CAMTA1: variants seen among roughly 807,000 people sequenced by gnomAD.
The protein encoded by CAMTA1 is calmodulin binding transcription activator 1, also known as calmodulin-binding transcription activator 1.
In CAMTA1, 27 loss-of-function variants were observed where a neutral mutation model predicts 170.9. That is an observed-to-expected ratio of 0.16 (90% CI 0.12 to 0.22). The LOEUF (loss-of-function observed/expected upper bound fraction) is 0.22. Ranked by LOEUF, CAMTA1 falls within the 10% of genes least tolerant of loss-of-function variation. The pLI, the probability that CAMTA1 is intolerant of heterozygous loss-of-function variation, is 1.00. For missense variants in CAMTA1, 1,619 were observed against 2,217.2 expected (o/e 0.73, Z 5.42); for synonymous variants, 833 against 891.5 (o/e 0.93, Z 1.17).
intron 3 of CAMTA1, among the ~76,000 whole-genome samples, chr1:7,037,074 A>G (rs1005807717): frequency 6.6e-6 from 1 of 152,250 alleles, no homozygotes; most frequent in African/African-American, 2.4e-5. Context: ...GTTGATGATA[A>G]TATCCTACGG....
chr1:7,122,773 A>T (rs1472870536), intron 4 of CAMTA1, among the ~76,000 whole-genome samples: 1 of 152,078 alleles, frequency 6.6e-6, no homozygotes, highest in Non-Finnish European at 1.5e-5. Flanking sequence ...TTCACTCCGC[A>T]GCCTCCCTGC....
At chr1:6,940,590 C>T (rs1478919716) in intron 3 of CAMTA1, among the ~76,000 whole-genome samples, 2 of 152,186 alleles carry the variant, frequency 1.3e-5, no homozygotes, top group East Asian at 1.9e-4. Context: ...CACAGAGTCC[C>T]TCCTGGGGAC....
chr1:6,788,889 T>C (rs1569777273), intron 1 of CAMTA1, among the ~76,000 whole-genome samples: 2 of 152,308 alleles, frequency 1.3e-5, no homozygotes, highest in East Asian at 3.9e-4. Context: ...ATTAGCTTTT[T>C]CCTTTTACCT....
chr1:7,153,944 C>T (rs1054093229), intron 4 of CAMTA1, among the ~76,000 whole-genome samples: 1 of 152,238 alleles, frequency 6.6e-6, no homozygotes, highest in Non-Finnish European at 1.5e-5. Context: ...GCTCCGGCCA[C>T]GATTCTGCTC....
At chr1:7,142,090 G>A (rs766631760) in intron 4 of CAMTA1, 1 of 518,604 alleles carries the variant, frequency 1.9e-6, no homozygotes, top group Non-Finnish European at 3.8e-6. Flanking sequence ...GCTCTTCCTG[G>A]TACCCCTTCT....
intron 3 of CAMTA1, among the ~76,000 whole-genome samples, chr1:6,829,662 A>G (rs1025892550): frequency 2.1e-4 from 32 of 152,292 alleles, no homozygotes; most frequent in African/African-American, 6.7e-4. Flanking sequence ...TATCTTATAG[A>G]TGAGGAAACT....
chr1:7,539,618 A>G (rs1201581683), intron 6 of CAMTA1, among the ~76,000 whole-genome samples: 1 of 152,166 alleles, frequency 6.6e-6, no homozygotes. Flanking sequence ...TCTGTTTCCT[A>G]TGCAAACTGG....
chr1:7,163,698 G>A (rs1284911467), intron 4 of CAMTA1, among the ~76,000 whole-genome samples: 1 of 152,180 alleles, frequency 6.6e-6, no homozygotes, highest in Non-Finnish European at 1.5e-5. Flanking sequence ...GGTTTCATCT[G>A]AGGCCTGACC....
intron 6 of CAMTA1, among the ~76,000 whole-genome samples, chr1:7,593,045 ATGCCATCC>A (rs2095367126): frequency 6.6e-6 from 1 of 152,164 alleles, no homozygotes; most frequent in Non-Finnish European, 1.5e-5. Flanking sequence ...AAAAGCCATT[ATGCCATCC>A]TGCCATCTGA....
chr1:7,628,196 G>C (rs1294938167), intron 6 of CAMTA1, among the ~76,000 whole-genome samples: 1 of 152,210 alleles, frequency 6.6e-6, no homozygotes, highest in East Asian at 1.9e-4. Flanking sequence ...GTGCTGGCAA[G>C]AGATGGCTTC....
intron 1 of CAMTA1, among the ~76,000 whole-genome samples, chr1:6,814,170 C>T (rs1331657787): frequency 1.3e-5 from 2 of 152,068 alleles, no homozygotes; most frequent in African/African-American, 4.8e-5. Context: ...TTTTAGATCC[C>T]GAATGGCCTT....
intron 3 of CAMTA1, among the ~76,000 whole-genome samples, chr1:6,874,895 G>A (rs1048555232): frequency 6.6e-6 from 1 of 152,172 alleles, no homozygotes; most frequent in African/African-American, 2.4e-5. Flanking sequence ...ACTGTTTCAA[G>A]GTTTTCACCC....
rs1663390035 is a variant in CAMTA1, at chr1:7,234,225, C to T, written c.303-15266C>T. Among the ~76,000 whole-genome samples, 1 of 152,164 alleles carries T rather than the reference C, an allele frequency of 6.6e-6. No individual in the cohort carries two copies. The highest frequency in any genetic ancestry group is 2.1e-4 in the South Asian group (1 of 4,818). ...TGCCAGCCTCTGCCAAGCTTCCTCT[C>T]CAAACCTGGGCCTCGCCACGCTCTC... is the stretch of plus-strand genomic sequence containing the variant. On this transcript the variant is annotated intron_variant, in intron 4 of 22. Coordinates refer to ENST00000303635, the MANE Select transcript of CAMTA1 (RefSeq NM_015215.4). This position sits in a 1 kb window ranked among gnomAD's most constrained non-coding sequence, Gnocchi z 5.0.
intron 3 of CAMTA1, among the ~76,000 whole-genome samples, chr1:7,031,134 T>C (rs1279827977): frequency 6.6e-6 from 1 of 151,782 alleles, no homozygotes; most frequent in Admixed American, 6.6e-5. Flanking sequence ...TAATGTTTTA[T>C]GTTTACTTGT....
At chr1:7,138,131 G>A (rs968045848) in intron 4 of CAMTA1, among the ~76,000 whole-genome samples, 3 of 152,246 alleles carry the variant, frequency 2.0e-5, no homozygotes, top group Middle Eastern at 3.4e-3. Context: ...GACCACTGGT[G>A]CGCACCACCA....
intron 11 of CAMTA1, among the ~76,000 whole-genome samples, chr1:7,723,416 A>G (rs1558222118): frequency 6.6e-6 from 1 of 152,230 alleles, no homozygotes; most frequent in African/African-American, 2.4e-5. Flanking sequence ...GTCCATACTG[A>G]TATAAATAAG....
At chr1:7,296,473 G>A (rs1673958276) in intron 5 of CAMTA1, among the ~76,000 whole-genome samples, 1 of 152,198 alleles carries the variant, frequency 6.6e-6, no homozygotes, top group Admixed American at 6.5e-5. Context: ...GCAGTAGTGG[G>A]GATGGGAAGA....
In CAMTA1 at chr1:7,560,475, TG is replaced by T. The variant is rs1282818890; in HGVS notation, c.511-79924del. ...CTCTGGGCCTCAGTTTTCTCCTCTG[TG>T]AAATGAGCCATGTAGAAGATGGGAT... On this transcript the variant is annotated intron_variant, in intron 6 of 22. Transcript: ENST00000303635. Among the ~76,000 whole-genome samples the T allele has an allele frequency of 6.6e-5, 10 of 152,098 alleles. No homozygotes were observed. The Middle Eastern group carries it at 0.01, about 155-fold the overall frequency.
chr1:6,968,782 G>T (rs2175171), intron 3 of CAMTA1, among the ~76,000 whole-genome samples: 1 of 151,516 alleles, frequency 6.6e-6, no homozygotes, highest in Admixed American at 6.6e-5. Flanking sequence ...TGGGGGCTTG[G>T]GGGAGGCGGG....
Sources: allele counts gnomAD v4.1 joint callset (sites outside exome capture counted in the v4.1 genomes callset), GRCh38; gene constraint gnomAD v4.1.1; non-coding constraint Gnocchi (gnomAD v3.1); transcripts MANE v1.5; gene names NCBI Gene and HGNC (gene_info 2026-07-23, HGNC 2026-07-21).